MYH7B: variants seen among roughly 807,000 people sequenced by gnomAD.
MYH7B encodes myosin-7B.
MYH7B carries 205 observed loss-of-function variants against 234.5 expected under a neutral mutation model. The ratio of observed to expected loss-of-function variants is 0.87; its 90% confidence interval spans 0.78 to 0.98. The LOEUF is 0.98. Among genes scored for constraint, MYH7B ranks in the 50% least tolerant of loss-of-function variants. The probability of loss-of-function intolerance (pLI) is 0.00; values close to 1 mark genes in which losing one functional copy is unlikely to be tolerated. For synonymous variants in MYH7B, 1,193 were observed against 1,105.0 expected (o/e 1.08, Z -1.58); for missense variants, 2,652 against 2,633.4 (o/e 1.01, Z -0.15).
At chr20:34,966,959 G>A (rs2081747812) in intron 2 of MYH7B, among the ~76,000 whole-genome samples, 1 of 151,926 alleles carries the variant, frequency 6.6e-6, no homozygotes, top group Admixed American at 6.6e-5. Context: ...GGCTGAGCAC[G>A]GTGGCTCACA....
chr20:34,998,986 G>GTC (rs1415413008), intron 35 of MYH7B, 70 bp from the exon 36 acceptor site: 3 of 1,581,740 alleles, frequency 1.9e-6, no homozygotes, highest in Non-Finnish European at 2.6e-6. Flanking sequence ...GCTGAGGGTG[G>GTC]GTGAAGGGAG....
chr20:34,967,100 G>A (rs1382464189), intron 2 of MYH7B, among the ~76,000 whole-genome samples: 4 of 147,236 alleles, frequency 2.7e-5, no homozygotes, highest in Non-Finnish European at 4.5e-5. Flanking sequence ...ATGGTGGCGC[G>A]CACCTGTAGT....
chr20:34,996,721 G>T lies in MYH7B; in HGVS notation c.3229G>T (p.Ala1077Ser), dbSNP rs771736085. 3 of 1,613,438 alleles carry T rather than the reference G, an allele frequency of 1.9e-6. No homozygotes were observed. In the Admixed American group the frequency reaches 5.0e-5, roughly 27 times the overall value. Reference sequence around the variant, plus strand: ...GACGCAGGAGTCGGTGGCTGATGCTGCTCAAGACAAGCAGCAGCTGGAGGA... The same window carrying T: ...GACGCAGGAGTCGGTGGCTGATGCTTCTCAAGACAAGCAGCAGCTGGAGGA... The change falls in exon 30 of 45, where the codon GCT becomes TCT. Residue 1077 changes from alanine to serine, a missense_variant. Around this residue, in one of 3 missense-constraint regions of MYH7B, gnomAD observed 2,279 missense variants for 2,211.4 expected, o/e 1.03. Coordinates refer to ENST00000262873, the Ensembl canonical transcript of MYH7B.
rs777312372 is a variant in MYH7B at position 34,985,140 on chromosome 20, C to A, written c.805+11C>A. ...CGGATATTGACAGCTGTGAGTCAACCCCCTGCGGGCGGTGCAGGGGAAGGA... is the reference window on the plus strand; with the variant it reads ...CGGATATTGACAGCTGTGAGTCAACACCCTGCGGGCGGTGCAGGGGAAGGA... On this transcript the variant is annotated intron_variant, in intron 13 of 44. Coordinates refer to ENST00000262873, the Ensembl canonical transcript of MYH7B. 6.2e-7 allele frequency: 1 copy of A among 1,613,686 alleles called. No homozygotes were observed. Among genetic ancestry groups the A allele is most frequent in the Non-Finnish European group, 8.5e-7 (1 of 1,179,630 alleles).
At chr20:34,964,031 C>T (rs1600404908) in intron 2 of MYH7B, among the ~76,000 whole-genome samples, 1 of 152,170 alleles carries the variant, frequency 6.6e-6, no homozygotes, top group African/African-American at 2.4e-5. Flanking sequence ...TGAATGGTCA[C>T]TTGGGTTCTC....
chr20:34,999,360 C>G, exon 36 of MYH7B: 1 of 1,544,304 alleles, frequency 6.5e-7, no homozygotes, highest in Non-Finnish European at 8.7e-7. Context: ...CGAGGAGGCA[C>G]TTGAAGCCCT....
chr20:34,994,539 C>G (rs2082217565), intron 27 of MYH7B, 138 bp downstream of exon 27: 1 of 1,101,452 alleles, frequency 9.1e-7, no homozygotes, highest in Non-Finnish European at 1.3e-6. Flanking sequence ...ATGAGGCCTC[C>G]ATGTCCCAGC....
At chr20:34,998,823 G>A (rs1228467362) in exon 35 of MYH7B, 4 of 1,613,114 alleles carry the variant, frequency 2.5e-6, no homozygotes, top group Admixed American at 3.3e-5. Flanking sequence ...AGCTGCAGCG[G>A]CTGCTGTCCA....
intron 38 of MYH7B, 82 bp from the exon 39 acceptor site, chr20:35,000,211 T>C: frequency 3.4e-6 from 5 of 1,470,716 alleles, no homozygotes; most frequent in Non-Finnish European, 4.5e-6. Flanking sequence ...TCAAAATGGG[T>C]TCGTTTCCAA....
At chr20:34,968,161 C>T (rs900603429) in intron 2 of MYH7B, among the ~76,000 whole-genome samples, 5 of 152,216 alleles carry the variant, frequency 3.3e-5, no homozygotes, top group South Asian at 2.1e-4. Context: ...AGAGAAGTTA[C>T]GTAACTTGCC....
rs531074742 is a variant in MYH7B at position 34,998,607 on chromosome 20, G to A, written c.3971G>A (p.Arg1324His). The change falls in exon 34 of 45, where the codon CGC becomes CAC. Residue 1324 changes from arginine to histidine, a missense_variant. Arg to His is a conservative substitution (Grantham distance 29). Transcript: ENST00000262873. ...GCCCAAAGCCTGGAAGAGTTGCGGC[G>A]CCAGCTAGAGGAGGAAAGCAAGGTG... 1.9e-5 allele frequency: 31 copies of A among 1,613,294 alleles called. No individual in the cohort carries two copies. The East Asian group carries it at 2.5e-4, about 13-fold the overall frequency.
In MYH7B at chr20:34,993,522, C is replaced by G. The variant is rs576777572; in HGVS notation, c.2444+52C>G. ...AGGGTGTGTCCCCTGCCTCTCAGCT[C>G]CCAGACCCACTGGCTCTCCCAACCC... On this transcript the variant is annotated intron_variant, in intron 26 of 44. Coordinates refer to ENST00000262873, the Ensembl canonical transcript of MYH7B. The G allele has an allele frequency of 2.0e-6, 3 of 1,482,096 alleles. 1 individual carries two copies. In the South Asian group the frequency reaches 3.9e-5, roughly 19 times the overall value. The allele number at this position is 1,482,096 out of a possible 1,614,324, so 91.8% of individuals were successfully genotyped here.
Position 34,999,303 on chromosome 20 carries a change from G to T in MYH7B, c.4438G>T (p.Glu1480Ter), listed in dbSNP as rs927262669. 3 of 1,583,306 alleles carry T rather than the reference G, an allele frequency of 1.9e-6. No homozygotes were observed. Among genetic ancestry groups the T allele is most frequent in the African/African-American group, 1.3e-5 (1 of 74,522 alleles). ...GCGGGAGCTGGAGGCGGCACAGAGGGAGTCCCGTGGCCTGGGCACCGAGCT... is the reference window on the plus strand; with the variant it reads ...GCGGGAGCTGGAGGCGGCACAGAGGTAGTCCCGTGGCCTGGGCACCGAGCT... The change falls in exon 36 of 45, where the codon GAG becomes TAG. Residue 1480 changes from glutamate (E) to a stop codon, truncating the protein, a stop_gained. Transcript: ENST00000262873. LOFTEE classifies it high-confidence loss of function.
At chr20:34,966,328 C>A (rs1360026409) in intron 2 of MYH7B, among the ~76,000 whole-genome samples, 1 of 152,190 alleles carries the variant, frequency 6.6e-6, no homozygotes, top group East Asian at 1.9e-4. Flanking sequence ...ATGAAATGAG[C>A]AACACCTTGG....
chr20:34,974,825 T>C (rs944738235), intron 2 of MYH7B, among the ~76,000 whole-genome samples: 3 of 152,232 alleles, frequency 2.0e-5, no homozygotes, highest in Admixed American at 6.5e-5. Context: ...AGGTATTTAT[T>C]GACTTTCTAT....
exon 22 of MYH7B, chr20:34,990,293 G>C: frequency 1.2e-6 from 2 of 1,614,174 alleles, no homozygotes; most frequent in Non-Finnish European, 1.7e-6. Context: ...GTTCCAGACG[G>C]TGTCCCAGCT....
At chr20:34,959,119 G>GGTTT (rs750824110) in intron 2 of MYH7B, among the ~76,000 whole-genome samples, 3 of 152,176 alleles carry the variant, frequency 2.0e-5, no homozygotes, top group African/African-American at 2.4e-5. Flanking sequence ...TCAAGTCTGT[G>GGTTT]GTTTGTTACT....
intron 2 of MYH7B, among the ~76,000 whole-genome samples, chr20:34,962,962 G>A (rs751019831): frequency 1.3e-5 from 2 of 152,226 alleles, no homozygotes; most frequent in Non-Finnish European, 2.9e-5. Context: ...GCTGGGCGTG[G>A]TGGCGCACAC....
chr20:34,956,545 G>T (rs1221158332), intron 1 of MYH7B, among the ~76,000 whole-genome samples: 3 of 150,862 alleles, frequency 2.0e-5, no homozygotes, highest in African/African-American at 7.5e-5. Flanking sequence ...TTAGTTAAAT[G>T]GAATGTATCA....
Sources: allele counts gnomAD v4.1 joint callset (sites outside exome capture counted in the v4.1 genomes callset), GRCh38; gene constraint gnomAD v4.1.1; regional missense constraint gnomAD v4.1.1; transcripts MANE v1.5; gene names NCBI Gene and HGNC (gene_info 2026-07-23, HGNC 2026-07-21).